Variants in TOP1MT observed in about 807,000 individuals in gnomAD.
TOP1MT encodes DNA topoisomerase I, mitochondrial.
TOP1MT carries 80 observed loss-of-function variants against 73.9 expected under a neutral mutation model. The observed-to-expected ratio is 1.08, with a 90% CI of 0.90 to 1.30. The LOEUF is 1.30. Ranked by LOEUF, TOP1MT falls within the 50% of genes most tolerant of loss-of-function variation. The pLI, the probability that TOP1MT is intolerant of heterozygous loss-of-function variation, is 0.00. For missense variants in TOP1MT, 815 were observed against 808.0 expected (o/e 1.01, Z -0.10); for synonymous variants, 338 against 326.4 (o/e 1.04, Z -0.38).
At position 143,314,238 on chromosome 8, in the gene TOP1MT, T is replaced by C. The variant is rs191609021; in HGVS notation, c.1553+1489A>G. Among the ~76,000 whole-genome samples, 146 of 152,070 alleles carry C rather than the reference T, an allele frequency of 9.6e-4. No individual in the cohort carries two copies. The East Asian group carries it at 0.018, about 19-fold the overall frequency. The stretch of plus-strand genomic sequence containing the variant: ...TCACAAACCTCCTTGGCGGCCAGGG[T>C]CTCCTCCTCCCACGGCTCCATGTGT... On this transcript the variant is annotated intron_variant, in intron 12 of 13. Coordinates refer to ENST00000329245, the MANE Select transcript of TOP1MT (RefSeq NM_052963.3).
intron 12 of TOP1MT, among the ~76,000 whole-genome samples, chr8:143,310,791 G>A: frequency 6.6e-6 from 1 of 152,196 alleles, no homozygotes; most frequent in East Asian, 1.9e-4. Flanking sequence ...CAGCCCGCCG[G>A]GCCAGAAGCA....
At chr8:143,336,377 C>T (rs1043211503), upstream of TOP1MT, among the ~76,000 whole-genome samples, 1 of 152,076 alleles carries the variant, frequency 6.6e-6, no homozygotes, top group Non-Finnish European at 1.5e-5. Context: ...CAGACAAATC[C>T]AGCACCATTT....
rs1295791341 is a variant in TOP1MT, at chr8:143,322,682, ACACACGCACGCCACACGCACGC to A, written c.960+1295_961-1297del. On this transcript the variant is annotated intron_variant, in intron 7 of 13. Coordinates refer to ENST00000329245, the MANE Select transcript of TOP1MT (RefSeq NM_052963.3). ...CACACGCACGCCACACACGCACGCC[ACACACGCACGCCACACGCACGC>A]CACACGCACGCCACACACAGGCACG... Among the ~76,000 whole-genome samples the A allele has an allele frequency of 2.5e-4, 22 of 88,106 alleles. 1 individual carries two copies. The highest frequency in any genetic ancestry group is 1.1e-3 in the African/African-American group (18 of 15,714). 57.8% of individuals were successfully genotyped at this position (88,106 alleles called of 152,430 possible).
chr8:143,329,599 T>A, intron 2 of TOP1MT, 128 bp from the exon 3 acceptor site: 1 of 1,102,636 alleles, frequency 9.1e-7, no homozygotes. Context: ...TAGGCCTTCT[T>A]CTGTAAGTTC....
chr8:143,339,010 T>G (rs1817028712), upstream of TOP1MT, among the ~76,000 whole-genome samples: 3 of 152,038 alleles, frequency 2.0e-5, no homozygotes, highest in South Asian at 6.2e-4. Flanking sequence ...CTTAGAAAAT[T>G]TAAAGAATTT....
chr8:143,341,213 A>G lies in TOP1MT; in HGVS notation c.29+2007T>C, dbSNP rs1817074180. Among the ~76,000 whole-genome samples the G allele has an allele frequency of 6.6e-6, 1 of 150,854 alleles. No individual in the cohort carries two copies. The highest frequency in any genetic ancestry group is 2.4e-5 in the African/African-American group (1 of 40,890). ...AGCCCTTTCTCCCCTTTCTCTTCGG[A>G]TATTCTTTTTTTTTTCTCAGTTTGT... is the stretch of plus-strand genomic sequence containing the variant. On this transcript the variant is annotated intron_variant, in intron 2 of 5. Transcript: ENST00000518007. This position sits in a 1 kb window ranked among gnomAD's most constrained non-coding sequence, Gnocchi z 4.1.
chr8:143,330,585 G>A (rs577266031), intron 2 of TOP1MT, among the ~76,000 whole-genome samples: 28 of 152,378 alleles, frequency 1.8e-4, no homozygotes, highest in South Asian at 4.1e-4. Flanking sequence ...ACAGCATGGC[G>A]TGGGGGCCTG....
upstream of TOP1MT, among the ~76,000 whole-genome samples, chr8:143,335,381 C>T (rs1816965384): frequency 6.6e-6 from 1 of 152,228 alleles, no homozygotes; most frequent in South Asian, 2.1e-4. Context: ...CTGTCCAGCC[C>T]ACAGCAGCCC....
At chr8:143,323,309 T>A (rs1176953937) in intron 7 of TOP1MT, among the ~76,000 whole-genome samples, 3 of 21,680 alleles carry the variant, frequency 1.4e-4, no homozygotes, top group African/African-American at 1.8e-4. Flanking sequence ...ACACACATGC[T>A]CACCACACGC....
At chr8:143,347,281 A>C (rs147146179), upstream of TOP1MT, among the ~76,000 whole-genome samples, 302 of 152,268 alleles carry the variant, frequency 2.0e-3, 2 homozygotes, top group African/African-American at 7.0e-3. Flanking sequence ...CAGCCTCCCA[A>C]GTAGCTGGGA....
At chr8:143,316,342 G>A (rs561254375) in intron 10 of TOP1MT, among the ~76,000 whole-genome samples, 22 of 152,342 alleles carry the variant, frequency 1.4e-4, no homozygotes, top group African/African-American at 4.6e-4. Flanking sequence ...GGCTTCACGT[G>A]GGGCCACAGC....
intron 7 of TOP1MT, among the ~76,000 whole-genome samples, chr8:143,323,691 CA>C (rs1563761586): frequency 4.4e-4 from 8 of 18,036 alleles, no homozygotes; most frequent in South Asian, 3.8e-3. Context: ...ACATGCACGC[CA>C]CACACACAGG....
chr8:143,324,662 G>A, intron 5 of TOP1MT, 33 bp from the exon 6 acceptor site: 1 of 1,607,850 alleles, frequency 6.2e-7, no homozygotes, highest in Non-Finnish European at 8.5e-7. Context: ...ACATAACTTG[G>A]AGACCTTATT....
chr8:143,317,871 T>C (rs1816218123), intron 9 of TOP1MT, 34 bp from the exon 10 acceptor site: 1 of 1,609,628 alleles, frequency 6.2e-7, no homozygotes, highest in Non-Finnish European at 8.5e-7. Flanking sequence ...AATTACGTGG[T>C]TTTGCGGGGC....
In TOP1MT at chr8:143,331,279, C is replaced by T. The variant is rs780636933; in HGVS notation, c.183G>A (p.Pro61=). Residue 61 remains proline, a synonymous_variant, in exon 2 of 14, where the codon CCG becomes CCA. Coordinates refer to ENST00000329245, the MANE Select transcript of TOP1MT (RefSeq NM_052963.3). ...GGGGCTCGTATGGGGGTGCGAAGTA[C>T]GGGCCCTTGTGCTCCAGCTGTCTCC... is the stretch of plus-strand genomic sequence containing the variant. ...VKWRQLEHKG[P]YFAPPYEPLP... 5.6e-6 allele frequency: 9 copies of T among 1,612,806 alleles called. No individual in the cohort carries two copies. Among genetic ancestry groups the T allele is most frequent in the East Asian group, 2.2e-5 (1 of 44,870 alleles).
Position 143,321,234 on chromosome 8 carries a change from G to A in TOP1MT, c.1113C>T (p.Ile371=), listed in dbSNP as rs771540041. 1.2e-6 allele frequency: 2 copies of A among 1,611,192 alleles called. No individual in the cohort carries two copies. Among genetic ancestry groups the A allele is most frequent in the South Asian group, 1.1e-5 (1 of 90,872 alleles). The change falls in exon 8 of 14, where the codon ATC becomes ATT. Residue 371 remains isoleucine, a synonymous_variant. Coordinates refer to ENST00000329245, the MANE Select transcript of TOP1MT (RefSeq NM_052963.3). Reference sequence around the variant, plus strand: ...CCACCGGCACTCTGTTGTAGTAGCGGATGCAGTCCTTCCCCAGGAAGTCAA... The same window carrying A: ...CCACCGGCACTCTGTTGTAGTAGCGAATGCAGTCCTTCCCCAGGAAGTCAA... ...VEFDFLGKDC[I]RYYNRVPVEK...
At chr8:143,336,840 G>T (rs1816990473), upstream of TOP1MT, among the ~76,000 whole-genome samples, 1 of 151,948 alleles carries the variant, frequency 6.6e-6, no homozygotes, top group African/African-American at 2.4e-5. Flanking sequence ...ATTTAAAAAA[G>T]AATCCACAAA....
At chr8:143,309,986 G>C in intron 13 of TOP1MT, 82 bp downstream of exon 13, 1 of 1,597,782 alleles carries the variant, frequency 6.3e-7, no homozygotes, top group Non-Finnish European at 8.5e-7. Flanking sequence ...CAAGGGCAAT[G>C]CTGGGACTGA....
rs556790408 is a variant in TOP1MT, at chr8:143,322,846, C to G, written c.960+1153G>C. 2.1e-5 allele frequency among the ~76,000 whole-genome samples: 2 copies of G among 94,452 alleles called. 1 individual carries two copies. 62.0% of individuals were successfully genotyped at this position (94,452 alleles called of 152,430 possible). A position where few individuals can be genotyped will look rare whatever the true frequency, so the allele number is the denominator to read the frequency against. On this transcript the variant is annotated intron_variant, in intron 7 of 13. Coordinates refer to ENST00000329245, the MANE Select transcript of TOP1MT (RefSeq NM_052963.3). Reference sequence around the variant, plus strand: ...GCACGCCACACACGCACACCACACACGCACGCAACACACACGCACGCCACA... The same window carrying G: ...GCACGCCACACACGCACACCACACAGGCACGCAACACACACGCACGCCACA...
Sources: allele counts gnomAD v4.1 joint callset (sites outside exome capture counted in the v4.1 genomes callset), GRCh38; gene constraint gnomAD v4.1.1; non-coding constraint Gnocchi (gnomAD v3.1); transcripts MANE v1.5; gene names NCBI Gene and HGNC (gene_info 2026-07-23, HGNC 2026-07-21).